The following CRYBG1 variants were observed in gnomAD, a reference collection of about 807,000 sequenced individuals.
CRYBG1 encodes crystallin beta-gamma domain containing 1, also known as beta/gamma crystallin domain-containing protein 1.
In CRYBG1, 139 loss-of-function variants were observed where a neutral mutation model predicts 189.2. The observed-to-expected ratio is 0.73, with a 90% CI of 0.64 to 0.85. The LOEUF (loss-of-function observed/expected upper bound fraction) is 0.85, where lower values mean the gene tolerates loss of function less well. Among genes scored for constraint, CRYBG1 ranks in the 40% least tolerant of loss-of-function variants. CRYBG1 has a pLI of 0.00. For synonymous variants in CRYBG1, 1,023 were observed against 1,017.1 expected, an observed-to-expected ratio of 1.01 and a Z score of -0.11; for missense variants, 2,611 against 2,675.8, an observed-to-expected ratio of 0.98 and a Z score of 0.53.
intron 1 of CRYBG1, among the ~76,000 whole-genome samples, chr6:106,407,813 C>T (rs1419916734): frequency 1.3e-5 from 2 of 152,134 alleles, no homozygotes; most frequent in Non-Finnish European, 2.9e-5. Context: ...TAAATAAGTT[C>T]TCTGAAACCA....
intron 1 of CRYBG1, among the ~76,000 whole-genome samples, chr6:106,361,942 C>T (rs1223035643): frequency 1.2e-5 from 1 of 80,950 alleles, no homozygotes; most frequent in Non-Finnish European, 2.6e-5. Flanking sequence ...GCATTTTAGA[C>T]ATGGTTTTCC....
chr6:106,521,487 A>G lies in CRYBG1; in HGVS notation c.4245+34A>G, dbSNP rs369377315. ...CAATGTGTTATTATTTATTTGGGGT[A>G]TTTTTAAAGCAAGGGAAGAGAAGGA... On this transcript the variant is annotated intron_variant, in intron 4 of 21. Transcript: ENST00000633556. 7.9e-6 allele frequency: 12 copies of G among 1,523,658 alleles called. No individual in the cohort carries two copies. The African/African-American group carries it at 1.1e-4, about 14-fold the overall frequency. 94.4% of individuals were successfully genotyped at this position (1,523,658 alleles called of 1,614,324 possible). A position where few individuals can be genotyped will look rare whatever the true frequency, so the allele number is the denominator to read the frequency against.
At chr6:106,453,364 A>T (rs1013578066) in intron 2 of CRYBG1, among the ~76,000 whole-genome samples, 5 of 152,230 alleles carry the variant, frequency 3.3e-5, no homozygotes, top group African/African-American at 9.6e-5. Flanking sequence ...GGTACCAGAA[A>T]TATAAAACAT....
intron 2 of CRYBG1, among the ~76,000 whole-genome samples, chr6:106,496,718 T>A (rs1772858658): frequency 6.6e-6 from 1 of 152,242 alleles, no homozygotes; most frequent in African/African-American, 2.4e-5. Flanking sequence ...AGGAGGTATT[T>A]TGGCCAGGCT....
At chr6:106,491,581 C>A (rs142720123) in intron 2 of CRYBG1, among the ~76,000 whole-genome samples, 2 of 152,126 alleles carry the variant, frequency 1.3e-5, no homozygotes, top group African/African-American at 4.8e-5. Context: ...CGAGACTCTG[C>A]GTCATGGAGT....
intron 2 of CRYBG1, among the ~76,000 whole-genome samples, chr6:106,501,916 T>C (rs908938050): frequency 2.6e-5 from 4 of 152,206 alleles, no homozygotes; most frequent in Non-Finnish European, 4.4e-5. Context: ...TAAACTGACC[T>C]GAAGTTATGA....
chr6:106,464,735 G>A (rs1027151844), intron 2 of CRYBG1, among the ~76,000 whole-genome samples: 3 of 152,206 alleles, frequency 2.0e-5, no homozygotes, highest in African/African-American at 7.2e-5. Flanking sequence ...CTTAGCTTTC[G>A]CTCATAACCT....
intron 2 of CRYBG1, among the ~76,000 whole-genome samples, chr6:106,491,571 C>T (rs60849265): frequency 0.13 from 19,791 of 152,048 alleles, 1,741 homozygotes; most frequent in East Asian, 0.31. Context: ...TTCCAGGCCT[C>T]GAGACTCTGC....
rs565258632 is a variant in CRYBG1, at chr6:106,427,674, AT to A, written c.174-24013del. Among the ~76,000 whole-genome samples the A allele has an allele frequency of 7.6e-4, 116 of 152,126 alleles. 1 individual carries two copies. Among genetic ancestry groups the A allele is most frequent in the African/African-American group, 2.8e-3 (116 of 41,476 alleles). ...CTCTATGTATTAGAGAGATTCTTTT[AT>A]TTTTTTAATTAAAAAACATTTTTTT... On this transcript the variant is annotated intron_variant, in intron 1 of 21. Coordinates refer to ENST00000633556, the MANE Select transcript of CRYBG1 (RefSeq NM_001371242.2).
chr6:106,443,286 T>G (rs1582765470), intron 1 of CRYBG1, among the ~76,000 whole-genome samples: 1 of 152,148 alleles, frequency 6.6e-6, no homozygotes, highest in Non-Finnish European at 1.5e-5. Flanking sequence ...AATGATAGTG[T>G]GATAAGAGAA....
At chr6:106,543,376 G>C in intron 10 of CRYBG1, 64 bp from the exon 11 acceptor site, 1 of 1,453,134 alleles carries the variant, frequency 6.9e-7, no homozygotes, top group Non-Finnish European at 9.5e-7. Context: ...TTAAATGACT[G>C]ATTTAATGTT....
intron 11 of CRYBG1, among the ~76,000 whole-genome samples, 182 bp downstream of exon 11, chr6:106,543,779 T>C (rs1384399358): frequency 6.6e-6 from 1 of 152,152 alleles, no homozygotes; most frequent in East Asian, 1.9e-4. Context: ...AGGCTGGGTG[T>C]GGTGGCTCAC....
chr6:106,413,789 A>G (rs1770974079), intron 1 of CRYBG1, among the ~76,000 whole-genome samples: 1 of 152,206 alleles, frequency 6.6e-6, no homozygotes, highest in Non-Finnish European at 1.5e-5. Flanking sequence ...GCTCCATCAC[A>G]AAAGCCTCGT....
chr6:106,529,343 T>C (rs897529322), intron 7 of CRYBG1, among the ~76,000 whole-genome samples: 5 of 152,246 alleles, frequency 3.3e-5, no homozygotes, highest in African/African-American at 9.6e-5. Flanking sequence ...CAGTGTGTCA[T>C]GGATTATATT....
Position 106,462,216 on chromosome 6 carries a change from G to C in CRYBG1, c.312+10384G>C, listed in dbSNP as rs181449856. 4.8e-3 allele frequency among the ~76,000 whole-genome samples: 737 copies of C among 152,236 alleles called. 9 individuals are homozygous for C. The highest frequency in any genetic ancestry group is 0.016 in the African/African-American group (682 of 41,538). On this transcript the variant is annotated intron_variant, in intron 2 of 21. Coordinates refer to ENST00000633556, the MANE Select transcript of CRYBG1 (RefSeq NM_001371242.2). ...GACGGAGTCTCGCTCTGTCGCCCAGGCTGGAGTGCAGTGGCGCTATCTCGG... is the reference window on the plus strand; with the variant it reads ...GACGGAGTCTCGCTCTGTCGCCCAGCCTGGAGTGCAGTGGCGCTATCTCGG...
Position 106,520,728 on chromosome 6 carries a change from G to T in CRYBG1, c.3520G>T (p.Ala1174Ser). 1.2e-6 allele frequency: 2 copies of T among 1,614,106 alleles called. No individual in the cohort carries two copies. The highest frequency in any genetic ancestry group is 1.7e-6 in the Non-Finnish European group (2 of 1,180,024). The change falls in exon 4 of 22, where the codon GCT becomes TCT. Residue 1174 changes from alanine (A) to serine (S), a missense_variant. Physicochemically the swap from Ala to Ser is moderately conservative, Grantham distance 99. Transcript: ENST00000633556. Reference sequence around the variant, plus strand: ...GGAAAGTCAGCCAGAAATGTCACCGGCTTTACATTTGATGCAGAACCTTGA... The same window carrying T: ...GGAAAGTCAGCCAGAAATGTCACCGTCTTTACATTTGATGCAGAACCTTGA... ...KKESQPEMSP[A>S]LHLMQNLDTK...
intron 8 of CRYBG1, among the ~76,000 whole-genome samples, chr6:106,536,714 A>T (rs1272092058): frequency 6.6e-6 from 1 of 152,258 alleles, no homozygotes; most frequent in African/African-American, 2.4e-5. Flanking sequence ...TGTTTAAAAA[A>T]TAAGCTTGGG....
At chr6:106,423,953 C>T (rs1771179418) in intron 1 of CRYBG1, among the ~76,000 whole-genome samples, 1 of 152,046 alleles carries the variant, frequency 6.6e-6, no homozygotes, top group South Asian at 2.1e-4. Flanking sequence ...AATCTGCGCA[C>T]CTCGGCCTCC....
At chr6:106,455,919 CA>C (rs1044853496) in intron 2 of CRYBG1, among the ~76,000 whole-genome samples, 2 of 152,090 alleles carry the variant, frequency 1.3e-5, no homozygotes, top group Admixed American at 1.3e-4. Context: ...CCCCTCAAAA[CA>C]AAAGTAACTC....
Sources: allele counts gnomAD v4.1 joint callset (sites outside exome capture counted in the v4.1 genomes callset), GRCh38; gene constraint gnomAD v4.1.1; transcripts MANE v1.5; gene names NCBI Gene and HGNC (gene_info 2026-07-23, HGNC 2026-07-21).